The following NR2C2 variants were observed in gnomAD, a reference collection of about 807,000 sequenced individuals.
NR2C2 encodes the protein Nuclear hormone receptor TR4.
Under a neutral mutation model 62.9 loss-of-function variants are expected in NR2C2, and 6 were observed. The ratio of observed to expected loss-of-function variants is 0.10; its 90% CI spans 0.05 to 0.19. The LOEUF (loss-of-function observed/expected upper bound fraction) is 0.19, where lower values mean the gene tolerates loss of function less well. NR2C2 is among the 10% of genes least tolerant of loss of function. NR2C2 has a pLI of 1.00. For synonymous variants in NR2C2, 272 were observed against 273.8 expected, an observed-to-expected ratio of 0.99 and a Z score of 0.07; for missense variants, 479 against 762.7, an observed-to-expected ratio of 0.63 and a Z score of 4.38.
At chr3:15,034,919 C>A (rs2042067363) in intron 11 of NR2C2, 110 bp downstream of exon 11, 1 of 1,166,276 alleles carries the variant, frequency 8.6e-7, no homozygotes. Context: ...CTTTGTTGAC[C>A]CAGGCTGGCA....
intron 1 of NR2C2, among the ~76,000 whole-genome samples, chr3:14,997,975 A>G (rs1349468282): frequency 6.6e-6 from 1 of 152,172 alleles, no homozygotes; most frequent in Non-Finnish European, 1.5e-5. Context: ...GTCACCTGGC[A>G]ACCACTAATC....
At chr3:15,033,262 C>T (rs17477815) in intron 10 of NR2C2, among the ~76,000 whole-genome samples, 14,231 of 152,250 alleles carry the variant, frequency 0.093, 845 homozygotes, top group South Asian at 0.17. Context: ...ACCTGGTTGT[C>T]GGGCCATAAG....
intron 1 of NR2C2, among the ~76,000 whole-genome samples, chr3:14,986,805 G>A (rs1426661030): frequency 6.6e-6 from 1 of 152,232 alleles, no homozygotes; most frequent in African/African-American, 2.4e-5. Context: ...CACAGGTTGA[G>A]CATTGCACTT....
At chr3:14,954,031 GAT>G (rs746978222) in intron 1 of NR2C2, among the ~76,000 whole-genome samples, 23 of 152,084 alleles carry the variant, frequency 1.5e-4, no homozygotes, top group Non-Finnish European at 2.9e-4. Flanking sequence ...GAACATTTTG[GAT>G]ATGTCATTTG....
intron 11 of NR2C2, 91 bp from the exon 12 acceptor site, chr3:15,037,909 G>C: frequency 7.8e-7 from 1 of 1,280,084 alleles, no homozygotes; most frequent in East Asian, 2.4e-5. Flanking sequence ...AAAGTGAAAT[G>C]GTCCCATTTC....
In NR2C2 at chr3:15,016,210, C is replaced by T. The variant is rs2041508294; in HGVS notation, c.332C>T (p.Pro111Leu). Residue 111 changes from proline (P) to leucine (L), a missense_variant, in exon 4 of 14, where the codon CCC (proline) becomes CTC (leucine). Pro to Leu is a moderately conservative substitution (Grantham distance 98, BLOSUM62 -3). Coordinates refer to ENST00000425241, the MANE Select transcript of NR2C2 (RefSeq NM_001291694.2). The stretch of plus-strand genomic sequence containing the variant: ...CTGGGGAAGACGGACGTCCAGCGGC[C>T]CCAGGTGGTAGAGTACTGTGTGGTC... ...RLLGKTDVQR[P>L]QVVEYCVVCG... The T allele has an allele frequency of 2.5e-6, 4 of 1,613,962 alleles. No individual in the cohort carries two copies.
chr3:15,014,729 A>G (rs1227355668), intron 3 of NR2C2, among the ~76,000 whole-genome samples: 1 of 152,116 alleles, frequency 6.6e-6, no homozygotes, highest in African/African-American at 2.4e-5. Context: ...TACCTCATAT[A>G]AGTGAAATCA....
At chr3:15,021,035 A>G in intron 5 of NR2C2, 103 bp downstream of exon 5, 4 of 1,115,932 alleles carry the variant, frequency 3.6e-6, no homozygotes, top group Non-Finnish European at 3.8e-6. Flanking sequence ...TACTTTAAGA[A>G]AAAAATATGC....
rs148883495 is a variant in NR2C2, at chr3:14,988,200, A to G, written c.-39-15676A>G. 9.0e-3 allele frequency among the ~76,000 whole-genome samples: 1,377 copies of G among 152,356 alleles called. 10 individuals carry two copies. The highest frequency in any genetic ancestry group is 0.015 in the Non-Finnish European group (1,042 of 68,034). On this transcript the variant is annotated intron_variant, in intron 1 of 13. Transcript: ENST00000425241. ...ACTGCAGAGCCAGTCTCGTGAAGCT[A>G]TGGCTGTACAGCCAGTACCACAAAG...
intron 1 of NR2C2, among the ~76,000 whole-genome samples, chr3:14,952,272 A>AGG: frequency 6.6e-6 from 1 of 152,288 alleles, no homozygotes; most frequent in Middle Eastern, 3.4e-3. Context: ...AGAACAAGGG[A>AGG]GGTGAGTCTT....
intron 10 of NR2C2, 173 bp from the exon 11 acceptor site, chr3:15,034,497 A>G: frequency 1.8e-6 from 1 of 561,668 alleles, no homozygotes; most frequent in Non-Finnish European, 3.1e-6. Context: ...AAACATTCAT[A>G]GACTTATTCA....
intron 1 of NR2C2, among the ~76,000 whole-genome samples, chr3:14,956,564 C>T (rs1253243495): frequency 6.6e-6 from 1 of 152,010 alleles, no homozygotes; most frequent in Non-Finnish European, 1.5e-5. Context: ...TTTTTTGAGA[C>T]AAGAGTTTTA....
intron 1 of NR2C2, chr3:14,948,808 C>G (rs1052226166): frequency 1.3e-5 from 2 of 152,226 alleles, no homozygotes; most frequent in African/African-American, 2.4e-5. Context: ...GGCTCCTGCT[C>G]GTTATTTCGC....
chr3:14,971,093 T>C (rs560826045), intron 1 of NR2C2, among the ~76,000 whole-genome samples: 3 of 152,206 alleles, frequency 2.0e-5, no homozygotes, highest in East Asian at 3.8e-4. Context: ...TGCTGTTTGA[T>C]AGGCTAAGTG....
In NR2C2 at chr3:15,043,426, C is replaced by T. The variant is rs1455672774; in HGVS notation, c.*418C>T. 1 of 153,306 alleles carries T rather than the reference C, an allele frequency of 6.5e-6. No individual in the cohort carries two copies. Among genetic ancestry groups the T allele is most frequent in the African/African-American group, 2.4e-5 (1 of 41,494 alleles). The allele number at this position is 153,306 out of a possible 1,614,324, so 9.5% of individuals were successfully genotyped here. On this transcript the variant is annotated 3_prime_UTR_variant, in exon 14 of 14. Transcript: ENST00000425241. The stretch of plus-strand genomic sequence containing the variant: ...AATTACCAGGGTAATAATATTAGCA[C>T]TTTCTAAGCACTTATCAATGTGTAA...
chr3:15,021,958 A>G (rs2041679865), intron 5 of NR2C2, among the ~76,000 whole-genome samples: 1 of 152,272 alleles, frequency 6.6e-6, no homozygotes, highest in Non-Finnish European at 1.5e-5. Flanking sequence ...CCCAAAGTGA[A>G]TAAATAAATC....
At chr3:14,983,462 TACACACAC>T (rs34788861) in intron 1 of NR2C2, among the ~76,000 whole-genome samples, 17 of 146,776 alleles carry the variant, frequency 1.2e-4, no homozygotes, top group African/African-American at 2.0e-4. Context: ...ATACTCTTTA[TACACACAC>T]ACACACACAC....
chr3:15,001,966 T>G (rs1403298960), intron 1 of NR2C2, among the ~76,000 whole-genome samples: 1 of 152,224 alleles, frequency 6.6e-6, no homozygotes, highest in Non-Finnish European at 1.5e-5. Flanking sequence ...ACTCGTCTAC[T>G]TGCTCTGATG....
chr3:14,976,086 TC>T (rs1412626251), intron 1 of NR2C2, among the ~76,000 whole-genome samples: 1 of 152,160 alleles, frequency 6.6e-6, no homozygotes, highest in Non-Finnish European at 1.5e-5. Flanking sequence ...GATTTTCTGT[TC>T]CTTCATGATG....
Sources: gnomAD v4.1 joint callset for allele counts (sites outside exome capture counted in the v4.1 genomes callset) on GRCh38, gnomAD v4.1.1 for gene constraint, MANE v1.5 for transcripts, NCBI Gene and HGNC (gene_info 2026-07-23, HGNC 2026-07-21) for gene names.